Variants in METTL2A observed in about 807,000 individuals in gnomAD.
METTL2A encodes tRNA N(3)-cytidine methyltransferase METTL2A.
In METTL2A, 45 loss-of-function variants were observed where a neutral mutation model predicts 49.4. The ratio of observed to expected loss-of-function variants is 0.91; its 90% CI spans 0.72 to 1.17. The LOEUF (loss-of-function observed/expected upper bound fraction) is 1.17. METTL2A is among the 50% of genes most tolerant of loss of function. METTL2A has a pLI of 0.00. For synonymous variants in METTL2A, 118 were observed against 167.5 expected (o/e 0.70, Z 2.28); for missense variants, 361 against 462.2 (o/e 0.78, Z 2.01).
chr17:62,447,909 C>A, intron 8 of METTL2A, 143 bp downstream of exon 8: 1 of 1,532,646 alleles, frequency 6.5e-7, no homozygotes, highest in African/African-American at 1.4e-5. Context: ...CTCACACCCT[C>A]TTCCACCCTG....
chr17:62,437,259 A>G (rs1440157057), intron 5 of METTL2A, among the ~76,000 whole-genome samples: 1 of 150,886 alleles, frequency 6.6e-6, no homozygotes, highest in Non-Finnish European at 1.5e-5. Flanking sequence ...AGATGATTCC[A>G]TTGGGGTTCT....
intron 6 of METTL2A, among the ~76,000 whole-genome samples, chr17:62,443,187 AC>A: frequency 6.6e-6 from 1 of 152,228 alleles, no homozygotes; most frequent in Non-Finnish European, 1.5e-5. Flanking sequence ...AGCTTGGGCA[AC>A]AAAGCAGGAC....
intron 5 of METTL2A, among the ~76,000 whole-genome samples, chr17:62,436,073 T>C (rs1355314137): frequency 6.6e-6 from 1 of 151,658 alleles, no homozygotes. Context: ...CTACTAAAAA[T>C]ACAAAAAAAT....
intron 6 of METTL2A, among the ~76,000 whole-genome samples, chr17:62,443,200 G>A (rs1025991023): frequency 2.0e-5 from 3 of 152,084 alleles, no homozygotes; most frequent in Non-Finnish European, 4.4e-5. Context: ...AAGCAGGACC[G>A]TTATCTCTAC....
chr17:62,433,569 GTC>G (rs2070680330), intron 4 of METTL2A, among the ~76,000 whole-genome samples: 1 of 151,454 alleles, frequency 6.6e-6, no homozygotes, highest in Non-Finnish European at 1.5e-5. Flanking sequence ...GTGAAACCCC[GTC>G]TCTCCTAAAA....
intron 5 of METTL2A, among the ~76,000 whole-genome samples, chr17:62,438,608 T>G (rs1157061336): frequency 1.3e-5 from 2 of 151,170 alleles, no homozygotes; most frequent in African/African-American, 2.4e-5. Context: ...TCTGTCACAA[T>G]TATGTACAAT....
chr17:62,444,270 T>TTTTG (rs903564984), intron 6 of METTL2A, among the ~76,000 whole-genome samples: 4 of 152,128 alleles, frequency 2.6e-5, no homozygotes, highest in African/African-American at 9.7e-5. Flanking sequence ...AGCAGAGAAC[T>TTTTG]TTTGTTTGTT....
In METTL2A at chr17:62,426,275, A is replaced by C. The variant is rs143644019; in HGVS notation, c.203-24A>C. 10,603 of 1,537,902 alleles carry C rather than the reference A, an allele frequency of 6.9e-3. 561 individuals are homozygous for C. In the African/African-American group the frequency reaches 0.12, roughly 17 times the overall value. ...TAAAACATTTGAGAGCTGGTTCTTA[A>C]AATTTTTTCTTAAATATTTACAGTT... On this transcript the variant is annotated intron_variant, in intron 2 of 8. Coordinates refer to ENST00000311506, the MANE Select transcript of METTL2A (RefSeq NM_181725.4).
rs2070626755 is a variant in METTL2A, at chr17:62,426,387, T to TA, written c.292dup (p.Thr98AsnfsTer5). 6.2e-7 allele frequency: 1 copy of TA among 1,613,952 alleles called. No individual in the cohort carries two copies. Among genetic ancestry groups the TA allele is most frequent in the African/African-American group, 1.3e-5 (1 of 74,898 alleles). On this transcript the variant is annotated frameshift_variant, in exon 3 of 9. Coordinates refer to ENST00000311506, the MANE Select transcript of METTL2A (RefSeq NM_181725.4). LOFTEE classifies it high-confidence loss of function. ...TTTTCAAGGATAGACATTGGCTTTT[T>TA]ACCGAATTCCCTGAGCTGGCACCTA...
Position 62,447,727 on chromosome 17 carries a change from G to A in METTL2A, c.943G>A (p.Val315Met), listed in dbSNP as rs750159036. Residue 315 changes from valine (V) to methionine (M), a missense_variant, in exon 8 of 9, where the codon GTG (valine) becomes ATG (methionine). Val to Met is a conservative substitution (Grantham distance 21, BLOSUM62 1). Transcript: ENST00000311506. ...TCAGTGTCTATCTGGAAATTTCTAC[G>A]TGAGAGGTGATGGAACCAGAGTTTA... The part of the protein sequence containing the change: ...KGQCLSGNFY[V>M]RGDGTRVYFF... 1.7e-5 allele frequency: 27 copies of A among 1,614,030 alleles called. No individual in the cohort carries two copies. Among genetic ancestry groups the A allele is most frequent in the South Asian group, 4.4e-5 (4 of 91,086 alleles).
chr17:62,449,755 A>T lies in METTL2A; in HGVS notation c.*1026A>T. 5.7e-6 allele frequency: 1 copy of T among 175,822 alleles called. No homozygotes were observed. Among genetic ancestry groups the T allele is most frequent in the Non-Finnish European group, 1.2e-5 (1 of 82,586 alleles). 10.9% of individuals were successfully genotyped at this position (175,822 alleles called of 1,614,324 possible). A position where few individuals can be genotyped will look rare whatever the true frequency, so the allele number is the denominator to read the frequency against. ...AAAATCTTAGTTCCATGGAATTTTAAGCATTGTTCCCCCTCTAACCTGTGT... is the reference window on the plus strand; with the variant it reads ...AAAATCTTAGTTCCATGGAATTTTATGCATTGTTCCCCCTCTAACCTGTGT... On this transcript the variant is annotated 3_prime_UTR_variant, in exon 9 of 9. Transcript: ENST00000311506.
intron 5 of METTL2A, among the ~76,000 whole-genome samples, chr17:62,436,630 A>G (rs2070702128): frequency 6.6e-6 from 1 of 152,192 alleles, no homozygotes; most frequent in South Asian, 2.1e-4. Context: ...GCAAGTTGTA[A>G]TCTTTGCTAG....
In METTL2A at chr17:62,452,880, G is replaced by A. The variant is rs1451959588; in HGVS notation, c.*4151G>A. Among the ~76,000 whole-genome samples the A allele has an allele frequency of 2.6e-5, 4 of 152,208 alleles. No individual in the cohort carries two copies. Among genetic ancestry groups the A allele is most frequent in the Non-Finnish European group, 5.9e-5 (4 of 68,044 alleles). ...CCACCTCGGCCTCCCAAAGTGCTGG[G>A]ATGAGCCACTGCGACTGGCCCCACT... On this transcript the variant is annotated 3_prime_UTR_variant, in exon 9 of 9. Coordinates refer to ENST00000311506, the MANE Select transcript of METTL2A (RefSeq NM_181725.4).
rs1395825258 is a variant in METTL2A, at chr17:62,453,271, A to G, written c.*4542A>G. 6.6e-6 allele frequency among the ~76,000 whole-genome samples: 1 copy of G among 152,222 alleles called. No homozygotes were observed. The highest frequency in any genetic ancestry group is 1.5e-5 in the Non-Finnish European group (1 of 68,040). On this transcript the variant is annotated 3_prime_UTR_variant, in exon 9 of 9. Transcript: ENST00000311506. Reference sequence around the variant, plus strand: ...AATTTGACTCTGCAAGGGACTTTGCATAACGTTTCATCCTCAGAATCGCTA... The same window carrying G: ...AATTTGACTCTGCAAGGGACTTTGCGTAACGTTTCATCCTCAGAATCGCTA...
intron 5 of METTL2A, among the ~76,000 whole-genome samples, chr17:62,436,934 T>C (rs1598033488): frequency 6.6e-6 from 1 of 152,150 alleles, no homozygotes; most frequent in East Asian, 1.9e-4. Context: ...AAAACCTTTC[T>C]TGCCATTTCT....
chr17:62,426,305 A>T lies in METTL2A; in HGVS notation c.209A>T (p.Tyr70Phe). 6.3e-7 allele frequency: 1 copy of T among 1,590,020 alleles called. No homozygotes were observed. The highest frequency in any genetic ancestry group is 8.6e-7 in the Non-Finnish European group (1 of 1,164,054). ...TTTTCTTAAATATTTACAGTTGATT[A>T]TGAGATCAATGCCCACAAATACTGG... ...QRVCQEKQVD[Y>F]EINAHKYWND... Residue 70 changes from tyrosine to phenylalanine, a missense_variant, in exon 3 of 9, where the codon TAT (tyrosine) becomes TTT (phenylalanine). By Grantham distance (22) the Tyr-to-Phe change is conservative. Coordinates refer to ENST00000311506, the MANE Select transcript of METTL2A (RefSeq NM_181725.4).
Position 62,450,247 on chromosome 17 carries a change from C to CATTTTTTTTTTT in METTL2A, c.*1518_*1519insATTTTTTTTTTT, listed in dbSNP as rs1396756918. Reference sequence around the variant, plus strand: ...TGTGATCATTATCAGTGTTAGATGCCTTTTTTTTTTTTTTTTTTTTTTTTT... The same window carrying CATTTTTTTTTTT: ...TGTGATCATTATCAGTGTTAGATGCCATTTTTTTTTTTTTTTTTTTTTTTTTTTTTTTTTTTT... On this transcript the variant is annotated 3_prime_UTR_variant, in exon 9 of 9. Transcript: ENST00000311506. 8.7e-5 allele frequency: 7 copies of CATTTTTTTTTTT among 80,540 alleles called. 2 individuals carry two copies. The highest frequency in any genetic ancestry group is 6.3e-5 in the African/African-American group (1 of 15,966). 5.0% of individuals were successfully genotyped at this position (80,540 alleles called of 1,614,324 possible).
intron 4 of METTL2A, among the ~76,000 whole-genome samples, chr17:62,434,016 G>A (rs1442723705): frequency 1.3e-5 from 2 of 152,160 alleles, no homozygotes; most frequent in African/African-American, 4.8e-5. Flanking sequence ...GAGTCTTTGA[G>A]AAAGCAGAAG....
At chr17:62,445,615 A>G (rs1020325284) in intron 7 of METTL2A, among the ~76,000 whole-genome samples, 1 of 152,140 alleles carries the variant, frequency 6.6e-6, no homozygotes, top group Non-Finnish European at 1.5e-5. Context: ...CCTGACCAAC[A>G]TGGAGAAACC....
Sources: gnomAD v4.1 joint callset for allele counts (sites outside exome capture counted in the v4.1 genomes callset) on GRCh38, gnomAD v4.1.1 for gene constraint, MANE v1.5 for transcripts, NCBI Gene and HGNC (gene_info 2026-07-23, HGNC 2026-07-21) for gene names.